Variants in DPF3 observed in about 807,000 individuals in gnomAD.
DPF3 encodes double PHD fingers 3.
In DPF3, 18 loss-of-function variants were observed where a neutral mutation model predicts 56.8. The observed-to-expected ratio is 0.32, with a 90% CI of 0.22 to 0.47. The LOEUF is 0.47. Ranked by LOEUF, DPF3 falls within the 20% of genes least tolerant of loss-of-function variation. The pLI, the probability that DPF3 is intolerant of heterozygous loss-of-function variation, is 1.00. For missense variants in DPF3, 403 were observed against 488.8 expected (o/e 0.82, Z 1.65); for synonymous variants, 188 against 180.2 (o/e 1.04, Z -0.35).
chr14:72,780,900 G>A (rs1891942371), intron 1 of DPF3, among the ~76,000 whole-genome samples: 1 of 152,190 alleles, frequency 6.6e-6, no homozygotes, highest in Non-Finnish European at 1.5e-5. Flanking sequence ...ATCACCACAT[G>A]CTCCAAAAGA....
chr14:72,644,726 G>C (rs915034765), intron 8 of DPF3, among the ~76,000 whole-genome samples: 1 of 152,172 alleles, frequency 6.6e-6, no homozygotes, highest in Non-Finnish European at 1.5e-5. Context: ...AAAGATTCAC[G>C]AGGCCCTTCT....
intron 7 of DPF3, chr14:72,675,538 T>C (rs1289972252): frequency 6.6e-6 from 1 of 152,202 alleles, no homozygotes; most frequent in Non-Finnish European, 1.5e-5. Context: ...GAAGCAGAGA[T>C]GTGAGCAGAA....
intron 1 of DPF3, among the ~76,000 whole-genome samples, chr14:72,828,336 G>T (rs964574351): frequency 1.3e-5 from 2 of 151,924 alleles, no homozygotes; most frequent in East Asian, 3.9e-4. Context: ...CTGTCTCCAG[G>T]GTCTGGGGCA....
intron 3 of DPF3, among the ~76,000 whole-genome samples, chr14:72,743,541 C>T (rs1890211780): frequency 6.6e-6 from 1 of 150,616 alleles, no homozygotes; most frequent in Non-Finnish European, 1.5e-5. Flanking sequence ...ACTATCTGGG[C>T]ATTTACTTCA....
intron 9 of DPF3, among the ~76,000 whole-genome samples, chr14:72,627,725 A>G (rs1257577162): frequency 1.3e-5 from 2 of 152,156 alleles, no homozygotes; most frequent in East Asian, 1.9e-4. Context: ...AGATAAATTT[A>G]TAAATTAACT....
chr14:72,838,905 ATTC>A (rs1567251301), intron 1 of DPF3, among the ~76,000 whole-genome samples: 6 of 64,496 alleles, frequency 9.3e-5, no homozygotes, highest in East Asian at 1.2e-3. Context: ...TATCATATAT[ATTC>A]TTTTTTTTTT....
chr14:72,761,657 C>T (rs1891073459), intron 2 of DPF3, among the ~76,000 whole-genome samples: 1 of 151,524 alleles, frequency 6.6e-6, no homozygotes, highest in African/African-American at 2.4e-5. Context: ...GATAAACCTA[C>T]TATGTACCAT....
intron 2 of DPF3, among the ~76,000 whole-genome samples, chr14:72,769,631 G>A (rs1391243293): frequency 1.5e-5 from 2 of 133,776 alleles, no homozygotes; most frequent in Non-Finnish European, 3.0e-5. Context: ...AGTGAGCCGA[G>A]ATCATGCCAC....
chr14:72,732,197 C>A (rs1889685068), intron 3 of DPF3, among the ~76,000 whole-genome samples: 1 of 152,226 alleles, frequency 6.6e-6, no homozygotes, highest in African/African-American at 2.4e-5. Flanking sequence ...TGTGGGCTCA[C>A]ACGGCCATGC....
At chr14:72,741,645 C>G (rs1890127889) in intron 3 of DPF3, among the ~76,000 whole-genome samples, 1 of 152,240 alleles carries the variant, frequency 6.6e-6, no homozygotes, top group East Asian at 1.9e-4. Flanking sequence ...GATCAAACAC[C>G]AGACATGTCT....
intron 1 of DPF3, among the ~76,000 whole-genome samples, chr14:72,798,430 A>G (rs557529046): frequency 7.9e-5 from 12 of 152,308 alleles, no homozygotes; most frequent in Middle Eastern, 3.4e-3. Context: ...ACATACATAC[A>G]TACATACATG....
intron 3 of DPF3, among the ~76,000 whole-genome samples, chr14:72,735,916 C>T (rs939907396): frequency 1.3e-5 from 2 of 152,106 alleles, no homozygotes; most frequent in African/African-American, 4.8e-5. Context: ...GAAGATGAGG[C>T]TTATCAACTT....
At chr14:72,778,567 G>T (rs553252140) in intron 1 of DPF3, among the ~76,000 whole-genome samples, 1 of 152,122 alleles carries the variant, frequency 6.6e-6, no homozygotes, top group Non-Finnish European at 1.5e-5. Context: ...CACAATAAAT[G>T]TAATGCACTT....
In DPF3 at chr14:72,619,201, G is replaced by T. The variant is rs1027074391; in HGVS notation, c.*96C>A. On this transcript the variant is annotated 3_prime_UTR_variant, in exon 11 of 11. Coordinates refer to ENST00000556509, the MANE Select transcript of DPF3 (RefSeq NM_001280542.3). ...GGACTATTTCTTTTCCTTGCAGTTGGTCTGGCTGGATATGTGGGAGGAGGG... is the reference window on the plus strand; with the variant it reads ...GGACTATTTCTTTTCCTTGCAGTTGTTCTGGCTGGATATGTGGGAGGAGGG... 3 of 1,239,038 alleles carry T rather than the reference G, an allele frequency of 2.4e-6. No individual in the cohort carries two copies. Among genetic ancestry groups the T allele is most frequent in the African/African-American group, 3.0e-5 (2 of 66,050 alleles). 76.8% of individuals were successfully genotyped at this position (1,239,038 alleles called of 1,614,324 possible).
intron 1 of DPF3, among the ~76,000 whole-genome samples, chr14:72,817,674 C>G (rs78482683): frequency 0.094 from 14,208 of 151,784 alleles, 816 homozygotes; most frequent in Admixed American, 0.18. Context: ...CAAGACACCA[C>G]CTCACAACAA....
At chr14:72,821,838 T>C (rs539426791) in intron 1 of DPF3, among the ~76,000 whole-genome samples, 16 of 50,342 alleles carry the variant, frequency 3.2e-4, no homozygotes, top group African/African-American at 1.3e-3. Context: ...AGAGCTCATC[T>C]CCACTAAATT....
chr14:72,636,425 C>T (rs918419078), intron 8 of DPF3, among the ~76,000 whole-genome samples: 1 of 152,168 alleles, frequency 6.6e-6, no homozygotes, highest in Non-Finnish European at 1.5e-5. Flanking sequence ...TTTTCATTCT[C>T]TCACTCCTCT....
intron 1 of DPF3, among the ~76,000 whole-genome samples, chr14:72,838,905 A>ATATATATAT: frequency 3.1e-5 from 2 of 64,480 alleles, no homozygotes; most frequent in Non-Finnish European, 5.5e-5. Context: ...TATCATATAT[A>ATATATATAT]TTCTTTTTTT....
chr14:72,643,507 CT>C (rs1350742055), intron 8 of DPF3, among the ~76,000 whole-genome samples: 9 of 152,356 alleles, frequency 5.9e-5, no homozygotes, highest in African/African-American at 2.2e-4. Flanking sequence ...GGCCTGGAGG[CT>C]GCAGGAAGTA....
Sources: allele counts gnomAD v4.1 joint callset (sites outside exome capture counted in the v4.1 genomes callset), GRCh38; gene constraint gnomAD v4.1.1; transcripts MANE v1.5; gene names NCBI Gene and HGNC (gene_info 2026-07-23, HGNC 2026-07-21).